The following ATP2C2 variants were observed in gnomAD, a reference collection of about 807,000 sequenced individuals.
ATP2C2 encodes the protein calcium-transporting ATPase type 2C member 2.
In ATP2C2, 171 loss-of-function variants were observed where a neutral mutation model predicts 110.8. The ratio of observed to expected loss-of-function variants is 1.54; its 90% confidence interval spans 1.36 to 1.75. The LOEUF is 1.75. ATP2C2 is among the 40% of genes most tolerant of loss of function. ATP2C2 has a pLI of 0.00. For missense variants in ATP2C2, 1,963 were observed against 1,235.0 expected, an observed-to-expected ratio of 1.59 and a Z score of -8.84; for synonymous variants, 804 against 508.4, an observed-to-expected ratio of 1.58 and a Z score of -7.82.
At chr16:84,423,838 C>G (rs1907568314) in intron 10 of ATP2C2, among the ~76,000 whole-genome samples, 1 of 152,202 alleles carries the variant, frequency 6.6e-6, no homozygotes, top group East Asian at 1.9e-4. Flanking sequence ...TGCTTCTAAG[C>G]AGGCTGTTCC....
chr16:84,378,781 G>A (rs1253198115), intron 1 of ATP2C2, among the ~76,000 whole-genome samples: 2 of 152,318 alleles, frequency 1.3e-5, no homozygotes, highest in South Asian at 2.1e-4. Context: ...TCAAGAAGGC[G>A]GCAGCAGAGA....
Position 84,449,151 on chromosome 16 carries a change from C to G in ATP2C2, c.1660+462C>G, listed in dbSNP as rs561998037. ...ATTTCCCTTGGTGTCATTTGTCACCCTGGCCAGTTACAGAGGAAGCGTTTA... is the reference window on the plus strand; with the variant it reads ...ATTTCCCTTGGTGTCATTTGTCACCGTGGCCAGTTACAGAGGAAGCGTTTA... On this transcript the variant is annotated intron_variant, in intron 17 of 26. Transcript: ENST00000262429. Among the ~76,000 whole-genome samples the G allele has an allele frequency of 2.0e-5, 3 of 152,344 alleles. No individual in the cohort carries two copies. In the South Asian group the frequency reaches 6.2e-4, roughly 32 times the overall value.
intron 7 of ATP2C2, among the ~76,000 whole-genome samples, chr16:84,419,208 T>TA (rs59552270): frequency 0.43 from 20,480 of 47,416 alleles, 5,791 homozygotes; most frequent in Non-Finnish European, 0.5. Context: ...ACCCCATCTT[T>TA]AAAAAAAAAA....
At chr16:84,431,520 G>T (rs562044705) in intron 11 of ATP2C2, among the ~76,000 whole-genome samples, 1 of 152,150 alleles carries the variant, frequency 6.6e-6, no homozygotes, top group South Asian at 2.1e-4. Context: ...GGAGGTAGAA[G>T]GGGATGGACT....
intron 3 of ATP2C2, among the ~76,000 whole-genome samples, chr16:84,406,839 C>G (rs1030468103): frequency 2.6e-5 from 4 of 152,138 alleles, no homozygotes; most frequent in Non-Finnish European, 5.9e-5. Flanking sequence ...ACCCGCTCCC[C>G]CACTTCCCCT....
At chr16:84,448,818 A>AATG in intron 17 of ATP2C2, 129 bp downstream of exon 17, 1 of 1,279,292 alleles carries the variant, frequency 7.8e-7, no homozygotes, top group Non-Finnish European at 1.1e-6. Context: ...GCTGACGGCA[A>AATG]TAATGTGTGC....
intron 2 of ATP2C2, chr16:84,404,828 T>A (rs1363993764): frequency 8.8e-6 from 3 of 340,926 alleles, no homozygotes; most frequent in African/African-American, 2.2e-5. Flanking sequence ...TTTTTTTTTT[T>A]TAAGAAGAAA....
At position 84,433,161 on chromosome 16, in the gene ATP2C2, C is replaced by G. The variant is rs1908428139; in HGVS notation, c.987-6005C>G. ...TTGGGAGGCTGAGGCAAGAGGATCC[C>G]TTGAGCCCAGGAGTTTGAGACCAGC... On this transcript the variant is annotated intron_variant, in intron 11 of 26. Transcript: ENST00000262429. 3.3e-5 allele frequency among the ~76,000 whole-genome samples: 5 copies of G among 152,116 alleles called. No individual in the cohort carries two copies. In the South Asian group the frequency reaches 6.2e-4, roughly 19 times the overall value.
At chr16:84,429,556 T>C (rs971692772) in intron 11 of ATP2C2, among the ~76,000 whole-genome samples, 2 of 152,174 alleles carry the variant, frequency 1.3e-5, no homozygotes, top group African/African-American at 4.8e-5. Context: ...TTCATGTTCA[T>C]GTAGTGTTGG....
intron 3 of ATP2C2, 95 bp from the exon 4 acceptor site, chr16:84,408,310 C>G: frequency 8.2e-7 from 1 of 1,217,146 alleles, no homozygotes; most frequent in South Asian, 1.2e-5. Flanking sequence ...TGGCCCTGAA[C>G]TGAGACCCCT....
At chr16:84,440,698 T>C (rs1909167983) in intron 13 of ATP2C2, among the ~76,000 whole-genome samples, 159 bp from the exon 14 acceptor site, 1 of 152,198 alleles carries the variant, frequency 6.6e-6, no homozygotes, top group African/African-American at 2.4e-5. Context: ...ACGTATCCAA[T>C]TAATCAATAA....
chr16:84,395,666 T>C (rs759963373), intron 1 of ATP2C2, among the ~76,000 whole-genome samples: 1 of 151,036 alleles, frequency 6.6e-6, no homozygotes, highest in Non-Finnish European at 1.5e-5. Flanking sequence ...CCTGCCACCA[T>C]GCCTGGCTAA....
At chr16:84,446,105 GT>G (rs1413321046) in intron 15 of ATP2C2, among the ~76,000 whole-genome samples, 1 of 151,434 alleles carries the variant, frequency 6.6e-6, no homozygotes, top group Non-Finnish European at 1.5e-5. Context: ...GATAGAAGCT[GT>G]TGCAAAGACC....
chr16:84,442,614 G>A lies in ATP2C2; in HGVS notation c.1401+15G>A, dbSNP rs750301839. ...TGGCGATGAAGGTAGGAGGTCCTGGGGTGGCTCTGCGGGGAATTCTTTCGC... is the reference window on the plus strand; with the variant it reads ...TGGCGATGAAGGTAGGAGGTCCTGGAGTGGCTCTGCGGGGAATTCTTTCGC... On this transcript the variant is annotated intron_variant, in intron 15 of 26. Coordinates refer to ENST00000262429, the MANE Select transcript of ATP2C2 (RefSeq NM_014861.4). The A allele has an allele frequency of 6.2e-7, 1 of 1,612,826 alleles. No individual in the cohort carries two copies.
intron 11 of ATP2C2, among the ~76,000 whole-genome samples, chr16:84,436,703 G>A (rs1189480262): frequency 2.0e-5 from 3 of 151,340 alleles, no homozygotes; most frequent in Admixed American, 6.6e-5. Flanking sequence ...GGGAGGATCC[G>A]GCCAACCTCC....
chr16:84,404,722 T>C (rs1457750109), intron 2 of ATP2C2: 1 of 353,800 alleles, frequency 2.8e-6, no homozygotes, highest in Non-Finnish European at 5.5e-6. Flanking sequence ...AAAGTGGAAT[T>C]GCTGGATCTG....
chr16:84,440,487 G>A (rs192154655), intron 13 of ATP2C2, among the ~76,000 whole-genome samples: 63 of 152,326 alleles, frequency 4.1e-4, no homozygotes, highest in Admixed American at 2.8e-3. Flanking sequence ...TCAGTGTGCC[G>A]CAACGGCAGA....
In ATP2C2 at chr16:84,403,149, T is replaced by C. The variant is rs780371692; in HGVS notation, c.211-1979T>C. Among the ~76,000 whole-genome samples the C allele has an allele frequency of 2.0e-5, 3 of 152,226 alleles. 1 individual carries two copies. The highest frequency in any genetic ancestry group is 4.4e-5 in the Non-Finnish European group (3 of 68,044). On this transcript the variant is annotated intron_variant, in intron 2 of 26. Transcript: ENST00000262429. ...TGAAGTTTCCTTTTTCATTTCTGTT[T>C]GTATTTATTTGGTTCTTCTCTCTTT...
intron 21 of ATP2C2, among the ~76,000 whole-genome samples, chr16:84,456,528 A>T (rs1252693260): frequency 8.0e-6 from 1 of 125,424 alleles, no homozygotes; most frequent in Non-Finnish European, 1.7e-5. Context: ...AGGGTATTCA[A>T]TTAGGAAAAG....
Sources: gnomAD v4.1 joint callset for allele counts (sites outside exome capture counted in the v4.1 genomes callset) on GRCh38, gnomAD v4.1.1 for gene constraint, MANE v1.5 for transcripts, NCBI Gene and HGNC (gene_info 2026-07-23, HGNC 2026-07-21) for gene names.